The following KCNN2 variants were observed in gnomAD, a reference collection of about 807,000 sequenced individuals.
KCNN2 encodes the protein potassium calcium-activated channel subfamily N member 2, also known as small conductance calcium-activated potassium channel protein 2.
In KCNN2, 24 loss-of-function variants were observed where a neutral mutation model predicts 55.5. That is an observed-to-expected ratio of 0.43 (90% CI 0.31 to 0.61). The LOEUF (loss-of-function observed/expected upper bound fraction) is 0.61, where lower values mean the gene tolerates loss of function less well. Among genes scored for constraint, KCNN2 ranks in the 20% least tolerant of loss-of-function variants. The probability of loss-of-function intolerance (pLI) is 0.08; values close to 1 mark genes in which losing one functional copy is unlikely to be tolerated. For synonymous variants in KCNN2, 431 were observed against 336.1 expected (o/e 1.28, Z -3.09); for missense variants, 754 against 853.6 (o/e 0.88, Z 1.45).
chr5:114,227,994 CGATGATGATGATGATGAT>C (rs67331767), intron 2 of KCNN2, among the ~76,000 whole-genome samples: 120,729 of 151,492 alleles, frequency 0.8, 48,431 homozygotes, highest in East Asian at 0.9. Flanking sequence ...ATGATGATGA[CGATGATGATGATGATGAT>C]GATGATGATG....
intron 2 of KCNN2, among the ~76,000 whole-genome samples, chr5:114,330,965 G>C (rs1756810218): frequency 6.6e-6 from 1 of 152,294 alleles, no homozygotes; most frequent in African/African-American, 2.4e-5. Flanking sequence ...AACTATACAT[G>C]CATCTTTATT....
At chr5:114,120,482 A>G (rs1751805339) in intron 1 of KCNN2, among the ~76,000 whole-genome samples, 4 of 152,208 alleles carry the variant, frequency 2.6e-5, no homozygotes, top group South Asian at 2.1e-4. Context: ...GGAGTGTTCA[A>G]CTAAGCTAAA....
At chr5:114,176,132 G>T (rs1211726327) in intron 1 of KCNN2, among the ~76,000 whole-genome samples, 1 of 152,070 alleles carries the variant, frequency 6.6e-6, no homozygotes, top group African/African-American at 2.4e-5. Flanking sequence ...ATTCTTTGTT[G>T]TTGGGCCTGT....
At chr5:114,395,462 T>C (rs72799700) in intron 2 of KCNN2, among the ~76,000 whole-genome samples, 6,291 of 152,260 alleles carry the variant, frequency 0.041, 172 homozygotes, top group Middle Eastern at 0.061. Context: ...TGACCTAAAA[T>C]CTTTCATCTC....
rs1750376438 is a variant in KCNN2 at position 114,063,554 on chromosome 5, A to T, written c.-271+7054A>T. 2.6e-5 allele frequency among the ~76,000 whole-genome samples: 4 copies of T among 152,314 alleles called. No individual in the cohort carries two copies. In the South Asian group the frequency reaches 8.3e-4, roughly 32 times the overall value. The stretch of plus-strand genomic sequence containing the variant: ...GCTCCCAGGTGATGCTGATGCTGCA[A>T]GTCTGTGGAACATACTTCAGGCAGC... On this transcript the variant is annotated intron_variant, in intron 1 of 10. Coordinates refer to the KCNN2 transcript ENST00000512097.
intron 2 of KCNN2, among the ~76,000 whole-genome samples, chr5:114,263,778 A>T (rs1209733154): frequency 6.6e-6 from 1 of 152,220 alleles, no homozygotes; most frequent in Non-Finnish European, 1.5e-5. Flanking sequence ...AACCAACTTG[A>T]CTAACACCTT....
intron 3 of KCNN2, among the ~76,000 whole-genome samples, chr5:114,443,015 G>A (rs1184530168): frequency 5.3e-5 from 8 of 152,130 alleles, no homozygotes; most frequent in Admixed American, 2.0e-4. Flanking sequence ...GCTTAAGGCC[G>A]GGTGCAGTGG....
At chr5:114,246,386 T>G (rs1754748856) in intron 2 of KCNN2, among the ~76,000 whole-genome samples, 1 of 152,150 alleles carries the variant, frequency 6.6e-6, no homozygotes, top group Non-Finnish European at 1.5e-5. Flanking sequence ...TGTTGAAATT[T>G]TAGAAGATAA....
At chr5:114,486,104 C>T (rs1762427927) in intron 5 of KCNN2, among the ~76,000 whole-genome samples, 1 of 152,174 alleles carries the variant, frequency 6.6e-6, no homozygotes, top group Admixed American at 6.6e-5. Context: ...GTTTTGTCTT[C>T]CGCACTACAC....
At chr5:114,432,544 T>C (rs1759830890) in intron 3 of KCNN2, among the ~76,000 whole-genome samples, 1 of 152,226 alleles carries the variant, frequency 6.6e-6, no homozygotes, top group South Asian at 2.1e-4. Flanking sequence ...CCTCGCTCGC[T>C]CTCGGCGCCT....
chr5:114,135,461 C>T (rs551482280), intron 1 of KCNN2, among the ~76,000 whole-genome samples: 1 of 152,324 alleles, frequency 6.6e-6, no homozygotes, highest in East Asian at 1.9e-4. Context: ...CGACTCCAAA[C>T]AGTCATCTTT....
intron 2 of KCNN2, among the ~76,000 whole-genome samples, chr5:114,341,765 C>G (rs1328998431): frequency 1.3e-5 from 2 of 152,100 alleles, no homozygotes; most frequent in East Asian, 3.9e-4. Flanking sequence ...CTGGACTTTT[C>G]TATCCTTAGG....
Position 114,362,802 on chromosome 5 carries a change from C to T in KCNN2, c.663C>T (p.Gly221=), listed in dbSNP as rs1221872119. The change falls in exon 1 of 8, where the codon GGC becomes GGT. Residue 221 remains glycine, a synonymous_variant. Transcript: ENST00000673685. ...IAMSSCRYNG[G]VMRPLSNLSA... ...TGAGCAGCTGCAGGTACAACGGGGG[C>T]GTCATGCGGCCGCTCAGCAACTTGA... 1.3e-6 allele frequency: 2 copies of T among 1,596,520 alleles called. No individual in the cohort carries two copies.
At chr5:114,284,126 A>G (rs1193246833) in intron 2 of KCNN2, among the ~76,000 whole-genome samples, 1 of 152,186 alleles carries the variant, frequency 6.6e-6, no homozygotes, top group East Asian at 1.9e-4. Flanking sequence ...TACAAAGGCA[A>G]TTATTCCCTG....
chr5:114,130,114 G>A (rs967235517), intron 1 of KCNN2, among the ~76,000 whole-genome samples: 3 of 152,166 alleles, frequency 2.0e-5, no homozygotes, highest in Non-Finnish European at 2.9e-5. Flanking sequence ...TTAAGAATGC[G>A]AAGCACTTTC....
At chr5:114,346,687 G>A (rs377018098) in intron 2 of KCNN2, among the ~76,000 whole-genome samples, 6 of 150,722 alleles carry the variant, frequency 4.0e-5, no homozygotes, top group Admixed American at 3.3e-4. Context: ...ATCTCTGATA[G>A]CTGAAAGGGC....
rs1232945000 is a variant in KCNN2, at chr5:114,496,057, T to TGAAATCTC, written c.2251_2252insGAAATCTC (p.Phe751Ter). 6.2e-7 allele frequency: 1 copy of TGAAATCTC among 1,613,928 alleles called. No individual in the cohort carries two copies. The highest frequency in any genetic ancestry group is 8.5e-7 in the Non-Finnish European group (1 of 1,179,958). On this transcript the variant is annotated stop_gained and frameshift_variant, in exon 8 of 8. Coordinates refer to ENST00000673685, the MANE Select transcript of KCNN2 (RefSeq NM_021614.4). LOFTEE classifies it high-confidence loss of function. ...GACCATCAGGCAGCAGCAGAGAGAT[T>TGAAATCTC]TCATTGAGGCTCAGATGGAGAGCTA...
intron 2 of KCNN2, among the ~76,000 whole-genome samples, chr5:114,263,697 A>G (rs147009302): frequency 2.6e-5 from 4 of 152,318 alleles, no homozygotes; most frequent in African/African-American, 9.6e-5. Flanking sequence ...TCTTTATCAT[A>G]TATGGAAAAC....
At chr5:114,385,680 G>A (rs185753251) in intron 2 of KCNN2, among the ~76,000 whole-genome samples, 2 of 152,194 alleles carry the variant, frequency 1.3e-5, no homozygotes, top group Admixed American at 1.3e-4. Flanking sequence ...CTCAGCACAG[G>A]TCTCCCTCTT....
Sources: gnomAD v4.1 joint callset for allele counts (sites outside exome capture counted in the v4.1 genomes callset) on GRCh38, gnomAD v4.1.1 for gene constraint, MANE v1.5 for transcripts, NCBI Gene and HGNC (gene_info 2026-07-23, HGNC 2026-07-21) for gene names.